Variants in CYFIP1 observed in about 807,000 individuals in gnomAD.
CYFIP1 encodes the protein cytoplasmic FMR1-interacting protein 1.
Under a neutral mutation model 163.5 loss-of-function variants are expected in CYFIP1, and 58 were observed. The observed-to-expected ratio is 0.35, with a 90% CI of 0.29 to 0.44. The LOEUF is 0.44. CYFIP1 is among the 20% of genes least tolerant of loss of function. The pLI, the probability that CYFIP1 is intolerant of heterozygous loss-of-function variation, is 1.00. For missense variants in CYFIP1, 1,338 were observed against 1,653.8 expected (o/e 0.81, Z 3.31); for synonymous variants, 663 against 660.7 (o/e 1.00, Z -0.05).
chr15:22,877,931 G>A (rs757201059), intron 26 of CYFIP1, among the ~76,000 whole-genome samples: 2 of 152,228 alleles, frequency 1.3e-5, no homozygotes, highest in Admixed American at 6.5e-5. Flanking sequence ...CTCTTTCACC[G>A]CACAGGCTGG....
In CYFIP1 at chr15:22,870,116, T is replaced by C. The variant is rs1470733549; in HGVS notation, c.3674A>G (p.Tyr1225Cys). The C allele has an allele frequency of 6.2e-7, 1 of 1,613,218 alleles. No individual in the cohort carries two copies. The highest frequency in any genetic ancestry group is 8.5e-7 in the Non-Finnish European group (1 of 1,179,670). ...NDEIITILDK[Y>C]LKSGDGEGTP... ...GCCCTCCCCGTCGCCTGACTTCAGG[T>C]ACTTATCCAGGATGGTGATGATCTC... Residue 1225 changes from tyrosine (Y) to cysteine (C), a missense_variant, in exon 31 of 31, where the codon TAC becomes TGC. This residue lies in a region of CYFIP1 where 306 missense variants were observed against 322.1 expected (regional missense o/e 0.95). Coordinates refer to ENST00000617928, the MANE Select transcript of CYFIP1 (RefSeq NM_014608.6).
At chr15:22,938,672 GCAGGAGGGTCCCTTGAGCC>G (rs1445144639) in intron 8 of CYFIP1, among the ~76,000 whole-genome samples, 1 of 152,082 alleles carries the variant, frequency 6.6e-6, no homozygotes, top group Admixed American at 6.5e-5. Context: ...GGAGGCTGAG[GCAGGAGGGTCCCTTGAGCC>G]CAGGAGTTTG....
intron 1 of CYFIP1, among the ~76,000 whole-genome samples, chr15:22,959,321 C>T (rs1221936133): frequency 1.3e-5 from 2 of 152,342 alleles, no homozygotes; most frequent in East Asian, 3.9e-4. Flanking sequence ...CAGCGTTTCC[C>T]GCTCCACCTA....
chr15:22,895,919 A>G lies in CYFIP1; in HGVS notation c.2589-2942T>C, dbSNP rs1465874241. 6.6e-5 allele frequency among the ~76,000 whole-genome samples: 10 copies of G among 152,304 alleles called. No individual in the cohort carries two copies. In the East Asian group the frequency reaches 1.7e-3, roughly 26 times the overall value. ...CCTGAGGACAGGGAAAGCTTTGCAC[A>G]TGGAAACCTCCCAGACTTTGCCCTG... On this transcript the variant is annotated intron_variant, in intron 22 of 30. Transcript: ENST00000617928.
intron 22 of CYFIP1, 110 bp downstream of exon 22, chr15:22,903,596 G>A (rs919583952): frequency 8.6e-5 from 99 of 1,150,836 alleles, no homozygotes; most frequent in Non-Finnish European, 1.2e-4. Context: ...AGAAGTGATG[G>A]GGAGCAGCAA....
At chr15:22,973,990 G>C (rs961764399) in intron 1 of CYFIP1, among the ~76,000 whole-genome samples, 1 of 152,202 alleles carries the variant, frequency 6.6e-6, no homozygotes, top group African/African-American at 2.4e-5. Context: ...CCTCACACCT[G>C]TCAGACTGGC....
intron 23 of CYFIP1, among the ~76,000 whole-genome samples, chr15:22,888,875 G>A (rs1363187773): frequency 4.6e-5 from 7 of 151,296 alleles, no homozygotes; most frequent in Non-Finnish European, 8.8e-5. Flanking sequence ...ACCCTGTCTC[G>A]ACTAAAAATA....
Position 22,881,867 on chromosome 15 carries a change from G to A in CYFIP1, c.2890C>T (p.Arg964Trp), listed in dbSNP as rs768821849. Residue 964 changes from arginine to tryptophan, a missense_variant, in exon 25 of 31, where the codon CGG becomes TGG. Transcript: ENST00000617928. ...EVMPKICRLP[R>W]HEYGSPGILE... ...TCACCAGGAGAGCCGTACTCGTGCC[G>A]GGGCAGGCGGCAGATCTTGGGCATC... The A allele has an allele frequency of 1.2e-6, 2 of 1,611,676 alleles. No homozygotes were observed. The highest frequency in any genetic ancestry group is 1.7e-6 in the Non-Finnish European group (2 of 1,179,972).
At chr15:22,930,389 CAAAAAAAA>C (rs35398202) in intron 11 of CYFIP1, among the ~76,000 whole-genome samples, 2 of 114,082 alleles carry the variant, frequency 1.8e-5, no homozygotes, top group Non-Finnish European at 3.6e-5. Flanking sequence ...CCGTCTCACC[CAAAAAAAA>C]AAAAAAAAAA....
At chr15:22,932,083 G>C in intron 11 of CYFIP1, 140 bp downstream of exon 11, 1 of 626,230 alleles carries the variant, frequency 1.6e-6, no homozygotes, top group Non-Finnish European at 2.8e-6. Flanking sequence ...ACATTTGTCA[G>C]AACCTGTCCC....
intron 11 of CYFIP1, among the ~76,000 whole-genome samples, chr15:22,930,386 A>C (rs1595633332): frequency 2.1e-5 from 2 of 95,864 alleles, no homozygotes; most frequent in Admixed American, 1.4e-4. Flanking sequence ...ACTCCGTCTC[A>C]CCCAAAAAAA....
intron 22 of CYFIP1, among the ~76,000 whole-genome samples, chr15:22,898,065 G>C (rs1737148510): frequency 6.6e-6 from 1 of 152,044 alleles, no homozygotes; most frequent in Non-Finnish European, 1.5e-5. Context: ...GTTCCTCTCT[G>C]AACTTGGTCC....
chr15:22,962,655 C>T (rs902711625), intron 1 of CYFIP1, among the ~76,000 whole-genome samples: 2 of 151,980 alleles, frequency 1.3e-5, no homozygotes, highest in African/African-American at 4.8e-5. Flanking sequence ...CCACCAGCCT[C>T]GGCCTCCCAA....
chr15:22,922,844 T>C, intron 13 of CYFIP1, among the ~76,000 whole-genome samples: 1 of 151,952 alleles, frequency 6.6e-6, no homozygotes, highest in African/African-American at 2.4e-5. Flanking sequence ...ATGCAAAAAT[T>C]AGCTGGGTGT....
intron 1 of CYFIP1, among the ~76,000 whole-genome samples, chr15:22,977,140 G>A (rs990275126): frequency 5.9e-5 from 9 of 151,806 alleles, no homozygotes; most frequent in South Asian, 2.1e-4. Flanking sequence ...CAGAGGTTGC[G>A]GTGGGCCGAG....
At chr15:22,944,523 G>T in intron 5 of CYFIP1, 35 bp downstream of exon 5, 1 of 1,444,158 alleles carries the variant, frequency 6.9e-7, no homozygotes, top group South Asian at 1.2e-5. Flanking sequence ...CCACCCCTCG[G>T]TGTTACACCC....
At chr15:22,969,165 T>C (rs1257896530) in intron 1 of CYFIP1, among the ~76,000 whole-genome samples, 1 of 151,996 alleles carries the variant, frequency 6.6e-6, no homozygotes, top group Non-Finnish European at 1.5e-5. Context: ...CAAATGTGAA[T>C]GTGAAGGGGA....
intron 1 of CYFIP1, among the ~76,000 whole-genome samples, chr15:22,950,529 C>T (rs1357068052): frequency 1.3e-5 from 2 of 152,212 alleles, no homozygotes; most frequent in African/African-American, 4.8e-5. Context: ...GCCATAGCCA[C>T]CCCCGAATCT....
At chr15:22,967,451 G>A (rs546596648) in intron 1 of CYFIP1, among the ~76,000 whole-genome samples, 4 of 152,144 alleles carry the variant, frequency 2.6e-5, no homozygotes, top group Non-Finnish European at 5.9e-5. Flanking sequence ...GAGTGCGGCC[G>A]ACATATGTGA....
Sources: allele counts gnomAD v4.1 joint callset (sites outside exome capture counted in the v4.1 genomes callset), GRCh38; gene constraint gnomAD v4.1.1; regional missense constraint gnomAD v4.1.1; transcripts MANE v1.5; gene names NCBI Gene and HGNC (gene_info 2026-07-23, HGNC 2026-07-21).